The following ACCSL variants were observed in gnomAD, a reference collection of about 807,000 sequenced individuals.
ACCSL encodes probable inactive 1-aminocyclopropane-1-carboxylate synthase-like protein 2.
In ACCSL, 55 loss-of-function variants were observed where a neutral mutation model predicts 61.7. The ratio of observed to expected loss-of-function variants is 0.89; its 90% CI spans 0.72 to 1.12. The LOEUF (loss-of-function observed/expected upper bound fraction) is 1.12, where lower values mean the gene tolerates loss of function less well. Ranked by LOEUF, ACCSL falls within the 50% of genes most tolerant of loss-of-function variation. The pLI, the probability that ACCSL is intolerant of heterozygous loss-of-function variation, is 0.00. For synonymous variants in ACCSL, 258 were observed against 264.3 expected (o/e 0.98, Z 0.23); for missense variants, 632 against 698.0 (o/e 0.91, Z 1.07).
the ACCSL span, among the ~76,000 whole-genome samples, chr11:44,037,536 A>G: frequency 6.6e-6 from 1 of 152,214 alleles, no homozygotes; most frequent in Non-Finnish European, 1.5e-5. Context: ...GCACTAGGCA[A>G]GAAAATAAGG....
chr11:43,930,115 T>C, the ACCSL span, among the ~76,000 whole-genome samples: 6 of 152,076 alleles, frequency 3.9e-5, no homozygotes, highest in Non-Finnish European at 7.4e-5. Flanking sequence ...CAGGGCCGGA[T>C]TCCCACCTGG....
chr11:44,030,322 C>G, the ACCSL span, among the ~76,000 whole-genome samples: 1 of 151,748 alleles, frequency 6.6e-6, no homozygotes, highest in Non-Finnish European at 1.5e-5. Context: ...TTCCCTAAAA[C>G]CCCAGATTGT....
chr11:43,943,289 G>A, the ACCSL span: 12 of 1,473,212 alleles, frequency 8.1e-6, no homozygotes, highest in East Asian at 2.9e-5. This position sits in a 1 kb window ranked among gnomAD's most constrained non-coding sequence, Gnocchi z 4.8. Context: ...GCCGCCCGCG[G>A]GGGGGACGCG....
chr11:43,981,697 T>A, the ACCSL span, among the ~76,000 whole-genome samples: 1 of 152,090 alleles, frequency 6.6e-6, no homozygotes, highest in African/African-American at 2.4e-5. Flanking sequence ...ACCTGGGAAG[T>A]GAAGCTCTAG....
chr11:43,926,999 C>T, the ACCSL span, among the ~76,000 whole-genome samples: 2 of 152,270 alleles, frequency 1.3e-5, no homozygotes, highest in Non-Finnish European at 2.9e-5. Context: ...CGCCCCCCAT[C>T]GGCCTCCCAG....
chr11:43,932,730 C>G, the ACCSL span, among the ~76,000 whole-genome samples: 2 of 152,208 alleles, frequency 1.3e-5, no homozygotes, highest in African/African-American at 4.8e-5. Flanking sequence ...TGGTGCCCAA[C>G]CACAGTAGTA....
chr11:43,932,453 G>C, the ACCSL span, among the ~76,000 whole-genome samples: 1 of 152,176 alleles, frequency 6.6e-6, no homozygotes, highest in Non-Finnish European at 1.5e-5. Flanking sequence ...ATTTTTAGTA[G>C]AGACAGGGTT....
chr11:43,926,681 T>C, the ACCSL span: 1 of 312,552 alleles, frequency 3.2e-6, no homozygotes, highest in Admixed American at 4.5e-5. Context: ...TTGCAAGAAA[T>C]TAAAAAGAAA....
At chr11:44,033,370 C>A in the ACCSL span, among the ~76,000 whole-genome samples, 1 of 152,168 alleles carries the variant, frequency 6.6e-6, no homozygotes, top group Admixed American at 6.5e-5. Flanking sequence ...ACACACCATA[C>A]CATACCTCTT....
the ACCSL span, chr11:43,926,422 C>T: frequency 3.0e-5 from 13 of 433,894 alleles, no homozygotes; most frequent in Admixed American, 2.2e-4. Context: ...ATTGTTTTCT[C>T]GTTCTTGCAG....
chr11:43,998,904 C>T, the ACCSL span, among the ~76,000 whole-genome samples: 1 of 152,142 alleles, frequency 6.6e-6, no homozygotes, highest in Admixed American at 6.5e-5. Flanking sequence ...AGACTACAGG[C>T]ATGCACCATC....
intron 5 of ACCSL, among the ~76,000 whole-genome samples, chr11:44,052,135 T>A (rs1952643427): frequency 6.6e-6 from 1 of 152,228 alleles, no homozygotes; most frequent in African/African-American, 2.4e-5. Context: ...GTAACAATGC[T>A]TAAGCAAGAG....
At chr11:44,049,919 A>G in intron 1 of ACCSL, 143 bp from the exon 2 acceptor site, 1 of 1,101,058 alleles carries the variant, frequency 9.1e-7, no homozygotes, top group Non-Finnish European at 1.4e-6. Context: ...GTTCATGGAA[A>G]GCTTTCCTAA....
At chr11:44,058,086 T>C (rs1952682450) in intron 11 of ACCSL, among the ~76,000 whole-genome samples, 1 of 152,194 alleles carries the variant, frequency 6.6e-6, no homozygotes, top group Non-Finnish European at 1.5e-5. Context: ...GACATGAGAA[T>C]CACTTGAGCC....
At chr11:43,989,249 A>G in the ACCSL span, among the ~76,000 whole-genome samples, 1 of 152,016 alleles carries the variant, frequency 6.6e-6, no homozygotes, top group Admixed American at 6.6e-5. Flanking sequence ...CAGTTTTCTC[A>G]CCTGTGAGAT....
At chr11:44,042,027 T>TAACCCC in the ACCSL span, among the ~76,000 whole-genome samples, 1 of 152,216 alleles carries the variant, frequency 6.6e-6, no homozygotes, top group Non-Finnish European at 1.5e-5. Flanking sequence ...CATTCTCATA[T>TAACCCC]AACCCCACTT....
the ACCSL span, among the ~76,000 whole-genome samples, chr11:43,928,041 C>T: frequency 6.6e-6 from 1 of 152,144 alleles, no homozygotes; most frequent in Non-Finnish European, 1.5e-5. Context: ...GAGGTGGTGG[C>T]CAGGGAAGTC....
chr11:43,970,161 T>TA, the ACCSL span, among the ~76,000 whole-genome samples: 19 of 152,136 alleles, frequency 1.2e-4, no homozygotes, highest in East Asian at 1.9e-4. Flanking sequence ...ACAGAAAAAT[T>TA]AAAAAATGAG....
At chr11:43,988,837 CAG>C in the ACCSL span, among the ~76,000 whole-genome samples, 1 of 110,260 alleles carries the variant, frequency 9.1e-6, no homozygotes, top group African/African-American at 3.7e-5. Context: ...TTTTTGGAGA[CAG>C]GGTCTGGGCT....
Sources: allele counts gnomAD v4.1 joint callset (sites outside exome capture counted in the v4.1 genomes callset), GRCh38; gene constraint gnomAD v4.1.1; non-coding constraint Gnocchi (gnomAD v3.1); transcripts MANE v1.5; gene names NCBI Gene and HGNC (gene_info 2026-07-23, HGNC 2026-07-21).